TMEM135: variants seen among roughly 807,000 people sequenced by gnomAD.
The protein encoded by TMEM135 is transmembrane protein 135.
A neutral mutation model predicts 60.3 loss-of-function variants in TMEM135; 30 were observed. That is an observed-to-expected ratio of 0.50 (90% CI 0.37 to 0.68). The LOEUF (loss-of-function observed/expected upper bound fraction) is 0.68, where lower values mean the gene tolerates loss of function less well. TMEM135 is among the 30% of genes least tolerant of loss of function. The pLI is 0.00. For synonymous variants in TMEM135, 190 were observed against 186.7 expected, an observed-to-expected ratio of 1.02 and a Z score of -0.14; for missense variants, 468 against 548.8, an observed-to-expected ratio of 0.85 and a Z score of 1.47.
intron 5 of TMEM135, among the ~76,000 whole-genome samples, chr11:87,209,407 GA>G (rs1022575811): frequency 9.2e-5 from 14 of 151,808 alleles, no homozygotes; most frequent in Non-Finnish European, 1.6e-4. Flanking sequence ...TCTTATATCA[GA>G]AAAAAACAGA....
At chr11:87,217,317 C>T (rs1292638894) in intron 5 of TMEM135, among the ~76,000 whole-genome samples, 1 of 152,072 alleles carries the variant, frequency 6.6e-6, no homozygotes, top group African/African-American at 2.4e-5. Context: ...TCTTGTAGTT[C>T]TCTTGACCTA....
chr11:87,242,612 G>T, intron 6 of TMEM135, among the ~76,000 whole-genome samples: 1 of 121,786 alleles, frequency 8.2e-6, no homozygotes, highest in Non-Finnish European at 1.8e-5. Flanking sequence ...GTGATGATGA[G>T]CATTTTTTCA....
intron 6 of TMEM135, among the ~76,000 whole-genome samples, chr11:87,285,992 C>T (rs1942157983): frequency 6.6e-6 from 1 of 152,022 alleles, no homozygotes; most frequent in African/African-American, 2.4e-5. Context: ...TCTCCAAGTC[C>T]TCACCAGATT....
At chr11:87,277,226 G>C (rs1941984752) in intron 6 of TMEM135, 2 of 356,974 alleles carry the variant, frequency 5.6e-6, no homozygotes, top group African/African-American at 4.3e-5. Flanking sequence ...GCACCTCCCG[G>C]GTTCAAGCGA....
At chr11:87,134,869 G>A (rs1255394117) in intron 4 of TMEM135, among the ~76,000 whole-genome samples, 1 of 152,196 alleles carries the variant, frequency 6.6e-6, no homozygotes, top group Non-Finnish European at 1.5e-5. Context: ...CATTGTGTGA[G>A]AGTTCTAGTT....
At chr11:87,057,103 G>T (rs1949901152) in intron 1 of TMEM135, among the ~76,000 whole-genome samples, 1 of 152,108 alleles carries the variant, frequency 6.6e-6, no homozygotes, top group African/African-American at 2.4e-5. Context: ...ACTCAGTTTT[G>T]AACATGGGTA....
At chr11:87,136,285 G>A (rs923593377) in intron 4 of TMEM135, among the ~76,000 whole-genome samples, 5 of 151,950 alleles carry the variant, frequency 3.3e-5, no homozygotes, top group Admixed American at 6.6e-5. Flanking sequence ...ATGAACATGT[G>A]CTTTTTCTTT....
At chr11:87,058,810 C>G (rs530247699) in intron 1 of TMEM135, among the ~76,000 whole-genome samples, 4 of 151,112 alleles carry the variant, frequency 2.6e-5, no homozygotes, top group Non-Finnish European at 5.9e-5. Context: ...TTAGTAGAGA[C>G]GGGGTTTCAT....
At chr11:87,043,708 C>T (rs754633471) in intron 1 of TMEM135, among the ~76,000 whole-genome samples, 3 of 151,372 alleles carry the variant, frequency 2.0e-5, no homozygotes, top group African/African-American at 7.3e-5. Flanking sequence ...GGCAACAGAG[C>T]GAGACTCTGT....
chr11:87,220,690 C>T (rs556235662), intron 5 of TMEM135, among the ~76,000 whole-genome samples: 14 of 152,080 alleles, frequency 9.2e-5, no homozygotes, highest in African/African-American at 2.9e-4. Flanking sequence ...AATTTTATTT[C>T]GAGAAGACTC....
intron 3 of TMEM135, among the ~76,000 whole-genome samples, chr11:87,089,040 A>C (rs193254396): frequency 6.6e-6 from 1 of 152,352 alleles, no homozygotes; most frequent in East Asian, 1.9e-4. Flanking sequence ...GGTTGGTGCA[A>C]AAGTAATTGC....
At chr11:87,135,112 C>T (rs533888239) in intron 4 of TMEM135, among the ~76,000 whole-genome samples, 1 of 151,886 alleles carries the variant, frequency 6.6e-6, no homozygotes, top group Non-Finnish European at 1.5e-5. Flanking sequence ...GCTTTGAGAG[C>T]TCTTTATATA....
At chr11:87,146,547 G>A (rs368792623) in intron 4 of TMEM135, among the ~76,000 whole-genome samples, 1 of 152,066 alleles carries the variant, frequency 6.6e-6, no homozygotes, top group Non-Finnish European at 1.5e-5. Flanking sequence ...TCTACCTGGT[G>A]ATTTTTGCTT....
intron 5 of TMEM135, among the ~76,000 whole-genome samples, chr11:87,179,184 A>G (rs569694066): frequency 6.6e-6 from 1 of 151,922 alleles, no homozygotes; most frequent in Admixed American, 6.6e-5. Flanking sequence ...TGAAATGTCT[A>G]TTAAATTTTC....
chr11:87,088,041 A>G (rs1343965218), intron 3 of TMEM135, among the ~76,000 whole-genome samples: 1 of 152,116 alleles, frequency 6.6e-6, no homozygotes, highest in Non-Finnish European at 1.5e-5. Context: ...CCTGGTTCAG[A>G]TGAGACTTTT....
intron 3 of TMEM135, among the ~76,000 whole-genome samples, chr11:87,075,752 C>G (rs925906225): frequency 6.6e-6 from 1 of 152,184 alleles, no homozygotes; most frequent in Non-Finnish European, 1.5e-5. Flanking sequence ...GGGTCCCAAG[C>G]CCAATATCAT....
At position 87,305,992 on chromosome 11, in the gene TMEM135, C is replaced by T. The variant is rs1439371846; in HGVS notation, c.755C>T (p.Ser252Phe). The T allele has an allele frequency of 1.9e-6, 3 of 1,596,402 alleles. No homozygotes were observed. The highest frequency in any genetic ancestry group is 2.3e-5 in the South Asian group (2 of 88,100). ...CCKHYEDNCISYCIKGFIRMF... is the reference protein window; with the variant it reads ...CCKHYEDNCIFYCIKGFIRMF... ...AAACATTATGAAGATAATTGCATCT[C>T]TTATTGCATTAAAGTAAGTATATGA... is the stretch of plus-strand genomic sequence containing the variant. Residue 252 changes from serine (S) to phenylalanine (F), a missense_variant, in exon 9 of 15, where the codon TCT (serine) becomes TTT (phenylalanine). Coordinates refer to ENST00000305494, the MANE Select transcript of TMEM135 (RefSeq NM_022918.4).
In TMEM135 at chr11:87,176,919, T is replaced by C. The variant is rs12295211; in HGVS notation, c.462+19513T>C. ...TAAAAAACAGTGCATCCCATGCATA[T>C]AACAACTTTCTTTTCTTATTGTTTA... On this transcript the variant is annotated intron_variant, in intron 5 of 14. Transcript: ENST00000305494. Among the ~76,000 whole-genome samples the C allele has an allele frequency of 2.6e-3, 391 of 152,310 alleles. 2 individuals carry two copies. The highest frequency in any genetic ancestry group is 4.4e-3 in the Non-Finnish European group (297 of 68,024).
chr11:87,200,510 A>G (rs1940070034), intron 5 of TMEM135, among the ~76,000 whole-genome samples: 2 of 152,208 alleles, frequency 1.3e-5, no homozygotes, highest in African/African-American at 4.8e-5. Flanking sequence ...AGAGTTCCAA[A>G]TACAGAAAGG....
Sources: allele counts gnomAD v4.1 joint callset (sites outside exome capture counted in the v4.1 genomes callset), GRCh38; gene constraint gnomAD v4.1.1; transcripts MANE v1.5; gene names NCBI Gene and HGNC (gene_info 2026-07-23, HGNC 2026-07-21).